Variants in NLGN1 observed in about 807,000 individuals in gnomAD.
NLGN1 encodes neuroligin 1.
In NLGN1, 12 loss-of-function variants were observed where a neutral mutation model predicts 65.5. The ratio of observed to expected loss-of-function variants is 0.18; its 90% CI spans 0.12 to 0.30. The LOEUF is 0.30. Ranked by LOEUF, NLGN1 falls within the 10% of genes least tolerant of loss-of-function variation. NLGN1 has a pLI of 1.00. For synonymous variants in NLGN1, 350 were observed against 359.5 expected (o/e 0.97, Z 0.30); for missense variants, 750 against 1,007.1 (o/e 0.74, Z 3.46).
chr3:173,684,791 T>G (rs1440769097), intron 3 of NLGN1, among the ~76,000 whole-genome samples: 2 of 152,222 alleles, frequency 1.3e-5, no homozygotes, highest in Non-Finnish European at 2.9e-5. Context: ...ATTAACTGTA[T>G]ATTCATCCCA....
At chr3:173,915,878 A>G (rs374039193) in intron 4 of NLGN1, among the ~76,000 whole-genome samples, 3 of 152,002 alleles carry the variant, frequency 2.0e-5, no homozygotes, top group East Asian at 1.9e-4. Flanking sequence ...CAAAGCCTAT[A>G]CTAGTCTTTC....
At chr3:173,688,591 A>G (rs1045390056) in intron 3 of NLGN1, among the ~76,000 whole-genome samples, 1 of 152,204 alleles carries the variant, frequency 6.6e-6, no homozygotes, top group South Asian at 2.1e-4. Flanking sequence ...AAAGCTGTTT[A>G]TCAAACACTA....
intron 3 of NLGN1, among the ~76,000 whole-genome samples, chr3:173,751,468 C>T (rs1043586953): frequency 1.3e-5 from 2 of 152,022 alleles, no homozygotes; most frequent in Non-Finnish European, 2.9e-5. Flanking sequence ...AAAGTAAAAA[C>T]ATGTGAGTAT....
chr3:173,752,886 A>G (rs1305144773), intron 3 of NLGN1, among the ~76,000 whole-genome samples: 1 of 152,054 alleles, frequency 6.6e-6, no homozygotes, highest in Non-Finnish European at 1.5e-5. Context: ...ATTCAGTGAA[A>G]ACATAGAAGC....
chr3:173,877,562 C>T (rs758957247), intron 4 of NLGN1, among the ~76,000 whole-genome samples: 7 of 151,858 alleles, frequency 4.6e-5, no homozygotes, highest in Non-Finnish European at 7.4e-5. Context: ...ATTGTATCAG[C>T]GCTAACTTCT....
chr3:173,736,814 C>A (rs1773845995), intron 3 of NLGN1, among the ~76,000 whole-genome samples: 2 of 151,906 alleles, frequency 1.3e-5, no homozygotes, highest in Admixed American at 6.6e-5. Flanking sequence ...TTTTCATATA[C>A]CTACCCACTA....
At chr3:173,924,441 T>G (rs960523300) in intron 4 of NLGN1, among the ~76,000 whole-genome samples, 4 of 151,964 alleles carry the variant, frequency 2.6e-5, no homozygotes, top group Non-Finnish European at 5.9e-5. Flanking sequence ...CATTCTATTT[T>G]GTAATGTATG....
intron 4 of NLGN1, among the ~76,000 whole-genome samples, chr3:174,109,804 G>C (rs113022158): frequency 6.6e-6 from 1 of 151,926 alleles, no homozygotes; most frequent in Admixed American, 6.6e-5. Context: ...TGCTTTCAAG[G>C]AACAAATCAC....
chr3:173,457,100 A>T lies in NLGN1; in HGVS notation c.-321+22022A>T, dbSNP rs180983727. Among the ~76,000 whole-genome samples, 547 of 152,204 alleles carry T rather than the reference A, an allele frequency of 3.6e-3. 1 individual carries two copies. The highest frequency in any genetic ancestry group is 0.012 in the African/African-American group (496 of 41,536). The stretch of plus-strand genomic sequence containing the variant: ...ATCTAGAAGATGTATTCAGTGGAGG[A>T]TGATATCCTGAGCCACAGAGAAAGA... On this transcript the variant is annotated intron_variant, in intron 2 of 6. Coordinates refer to ENST00000457714, the Ensembl canonical transcript of NLGN1.
chr3:174,186,217 A>G (rs1731369933), intron 4 of NLGN1, among the ~76,000 whole-genome samples: 1 of 152,110 alleles, frequency 6.6e-6, no homozygotes, highest in Non-Finnish European at 1.5e-5. Context: ...GTTATTTCAA[A>G]TAATGTTTTC....
intron 4 of NLGN1, among the ~76,000 whole-genome samples, chr3:173,992,225 G>A (rs1721268717): frequency 6.6e-6 from 1 of 151,992 alleles, no homozygotes; most frequent in South Asian, 2.1e-4. Context: ...TTATTCATAA[G>A]TATACATATA....
At chr3:174,282,641 CCT>C (rs948287366) in exon 7 of NLGN1, 4 of 151,996 alleles carry the variant, frequency 2.6e-5, no homozygotes, top group African/African-American at 9.7e-5. Context: ...TCTTCATCCC[CCT>C]GTTGTTTACC....
intron 2 of NLGN1, among the ~76,000 whole-genome samples, chr3:173,441,010 A>C (rs888380656): frequency 5.9e-5 from 9 of 152,174 alleles, no homozygotes; most frequent in African/African-American, 2.2e-4. Flanking sequence ...TGCAGCTTCT[A>C]CACCAGGACT....
At chr3:174,226,947 T>C (rs1235072597) in intron 4 of NLGN1, among the ~76,000 whole-genome samples, 1 of 152,206 alleles carries the variant, frequency 6.6e-6, no homozygotes, top group Non-Finnish European at 1.5e-5. Flanking sequence ...AAGACCTGGA[T>C]ATTTATTACT....
At chr3:173,406,578 A>G (rs1000680265) in intron 1 of NLGN1, among the ~76,000 whole-genome samples, 7 of 148,092 alleles carry the variant, frequency 4.7e-5, no homozygotes, top group African/African-American at 1.0e-4. Context: ...TTGAATTCAT[A>G]TATATGTATT....
At chr3:173,838,073 C>G (rs538862182) in intron 4 of NLGN1, among the ~76,000 whole-genome samples, 25 of 152,196 alleles carry the variant, frequency 1.6e-4, no homozygotes, top group African/African-American at 5.3e-4. Context: ...TACGTGATGA[C>G]AGGATTGAGT....
chr3:173,921,194 A>ATAT (rs1741942877), intron 4 of NLGN1, among the ~76,000 whole-genome samples: 2 of 146,132 alleles, frequency 1.4e-5, no homozygotes, highest in African/African-American at 5.0e-5. Flanking sequence ...TATATACAAT[A>ATAT]TATATGTAGT....
intron 4 of NLGN1, among the ~76,000 whole-genome samples, chr3:174,187,151 T>C (rs1017879877): frequency 3.6e-4 from 54 of 152,002 alleles, no homozygotes; most frequent in African/African-American, 1.3e-3. Context: ...ATTCATTTTT[T>C]GGAAATTTTC....
chr3:174,101,478 G>A (rs995567275), intron 4 of NLGN1, among the ~76,000 whole-genome samples: 19 of 152,164 alleles, frequency 1.2e-4, no homozygotes, highest in Non-Finnish European at 2.2e-4. Context: ...CACTGAGTTA[G>A]GTTTGATCAG....
Sources: allele counts gnomAD v4.1 joint callset (sites outside exome capture counted in the v4.1 genomes callset), GRCh38; gene constraint gnomAD v4.1.1; transcripts MANE v1.5; gene names NCBI Gene and HGNC (gene_info 2026-07-23, HGNC 2026-07-21).